WWOX: variants seen among roughly 807,000 people sequenced by gnomAD.
WWOX encodes the protein WW domain containing oxidoreductase, also known as WW domain-containing oxidoreductase.
A neutral mutation model predicts 46.2 loss-of-function variants in WWOX; 69 were observed. That is an observed-to-expected ratio of 1.49 (90% CI 1.23 to 1.82). The LOEUF is 1.82. WWOX is among the 40% of genes most tolerant of loss of function. The pLI is 0.00. For missense variants in WWOX, 919 were observed against 542.6 expected, an observed-to-expected ratio of 1.69 and a Z score of -6.89; for synonymous variants, 359 against 202.6, an observed-to-expected ratio of 1.77 and a Z score of -6.56.
At chr16:79,132,629 T>A (rs947160647) in intron 8 of WWOX, among the ~76,000 whole-genome samples, 2 of 152,200 alleles carry the variant, frequency 1.3e-5, no homozygotes, top group African/African-American at 4.8e-5. Context: ...TCGCTTTTCT[T>A]TTTTTAAAAC....
At chr16:78,917,936 T>A (rs2151265295) in intron 8 of WWOX, among the ~76,000 whole-genome samples, 1 of 152,292 alleles carries the variant, frequency 6.6e-6, no homozygotes, top group Admixed American at 6.5e-5. Flanking sequence ...GCGTGGTGGC[T>A]CACACACATA....
At chr16:78,677,745 G>A (rs1024850870) in intron 8 of WWOX, among the ~76,000 whole-genome samples, 2 of 152,184 alleles carry the variant, frequency 1.3e-5, no homozygotes, top group African/African-American at 2.4e-5. Flanking sequence ...CATAGGATAT[G>A]TCCAGAAAAC....
intron 8 of WWOX, among the ~76,000 whole-genome samples, chr16:78,709,022 C>T (rs894070744): frequency 1.2e-4 from 18 of 152,242 alleles, no homozygotes; most frequent in Admixed American, 5.9e-4. Flanking sequence ...AACTATGTTT[C>T]GAAACGTGAA....
At chr16:78,764,160 A>G (rs921308405) in intron 8 of WWOX, among the ~76,000 whole-genome samples, 1 of 152,134 alleles carries the variant, frequency 6.6e-6, no homozygotes, top group African/African-American at 2.4e-5. Flanking sequence ...TTTCTCCTGT[A>G]CTCAGCAGGT....
intron 5 of WWOX, among the ~76,000 whole-genome samples, chr16:78,385,820 C>T (rs903658687): frequency 1.3e-5 from 2 of 152,178 alleles, no homozygotes; most frequent in African/African-American, 4.8e-5. Flanking sequence ...TTTGAATAGG[C>T]AGGTGGCCCT....
chr16:79,086,991 G>C (rs1440078770), intron 8 of WWOX, among the ~76,000 whole-genome samples: 1 of 152,204 alleles, frequency 6.6e-6, no homozygotes, highest in East Asian at 1.9e-4. Context: ...GGGATATGGT[G>C]AGAGAGGCAG....
At chr16:78,509,704 T>C (rs79856306) in intron 8 of WWOX, among the ~76,000 whole-genome samples, 2 of 152,180 alleles carry the variant, frequency 1.3e-5, no homozygotes, top group African/African-American at 4.8e-5. Flanking sequence ...CTTCACTGTT[T>C]TGTTTATATT....
chr16:78,812,618 C>T lies in WWOX; in HGVS notation c.1056+379866C>T, dbSNP rs145913448. Among the ~76,000 whole-genome samples, 11 of 151,990 alleles carry T rather than the reference C, an allele frequency of 7.2e-5. No homozygotes were observed. In the East Asian group the frequency reaches 1.4e-3, roughly 19 times the overall value. On this transcript the variant is annotated intron_variant, in intron 8 of 8. Coordinates refer to ENST00000566780, the MANE Select transcript of WWOX (RefSeq NM_016373.4). ...GCAGGCACCTGTAATCCCAGCTGCT[C>T]GGGAGGCTGACGCGCGAGAATCACT... is the stretch of plus-strand genomic sequence containing the variant.
intron 8 of WWOX, among the ~76,000 whole-genome samples, chr16:78,771,335 G>T (rs2142520192): frequency 6.6e-6 from 1 of 152,290 alleles, no homozygotes; most frequent in East Asian, 1.9e-4. Context: ...TTCTGTTGAG[G>T]TTGAAGAACA....
At chr16:78,787,789 A>G (rs534896283) in intron 8 of WWOX, among the ~76,000 whole-genome samples, 54 of 152,194 alleles carry the variant, frequency 3.5e-4, no homozygotes, top group Non-Finnish European at 5.9e-4. Context: ...CACTTGCAGT[A>G]TATGAAGGTT....
chr16:78,925,366 A>C (rs956909888), intron 8 of WWOX, among the ~76,000 whole-genome samples: 1 of 152,118 alleles, frequency 6.6e-6, no homozygotes, highest in African/African-American at 2.4e-5. Context: ...AGGGAGATCC[A>C]CCCTTCTCAG....
At chr16:78,386,234 C>G (rs1175605403) in intron 5 of WWOX, among the ~76,000 whole-genome samples, 1 of 152,172 alleles carries the variant, frequency 6.6e-6, no homozygotes, top group Admixed American at 6.5e-5. Context: ...GTGGCAGGCC[C>G]TAAGTACACA....
chr16:78,174,204 C>T (rs139777764), intron 5 of WWOX, among the ~76,000 whole-genome samples: 1 of 152,334 alleles, frequency 6.6e-6, no homozygotes, highest in Admixed American at 6.5e-5. Flanking sequence ...TACAGTTCCA[C>T]ATGGCTGGGG....
intron 8 of WWOX, among the ~76,000 whole-genome samples, chr16:79,032,051 C>T (rs2047772216): frequency 7.0e-6 from 1 of 143,776 alleles, no homozygotes; most frequent in African/African-American, 2.5e-5. Context: ...CTGCCTCCTT[C>T]TGTATGTAAT....
intron 8 of WWOX, among the ~76,000 whole-genome samples, chr16:79,167,519 C>G (rs1037828368): frequency 2.6e-5 from 4 of 152,100 alleles, no homozygotes; most frequent in Admixed American, 6.6e-5. Context: ...CTGACCTGCA[C>G]TAGATGTTTT....
chr16:78,929,278 C>G (rs8053583), intron 8 of WWOX, among the ~76,000 whole-genome samples: 1 of 151,888 alleles, frequency 6.6e-6, no homozygotes, highest in African/African-American at 2.4e-5. Context: ...ATTTAAGTTT[C>G]CTAGCAGTTC....
intron 8 of WWOX, among the ~76,000 whole-genome samples, chr16:78,682,472 A>G (rs1035389551): frequency 1.3e-5 from 2 of 151,990 alleles, no homozygotes; most frequent in African/African-American, 4.8e-5. Context: ...AATCCCAGCT[A>G]CACAGAAGGC....
At chr16:78,529,334 C>G (rs879528422) in intron 8 of WWOX, among the ~76,000 whole-genome samples, 2 of 152,122 alleles carry the variant, frequency 1.3e-5, no homozygotes, top group East Asian at 1.9e-4. Context: ...CTCACATAAC[C>G]TCATAGAAGT....
intron 8 of WWOX, chr16:78,825,743 A>G: frequency 1.7e-6 from 1 of 587,284 alleles, no homozygotes; most frequent in South Asian, 1.7e-5. Context: ...GGATGGCCTG[A>G]TGATCCCCAG....
Sources: allele counts gnomAD v4.1 joint callset (sites outside exome capture counted in the v4.1 genomes callset), GRCh38; gene constraint gnomAD v4.1.1; transcripts MANE v1.5; gene names NCBI Gene and HGNC (gene_info 2026-07-23, HGNC 2026-07-21).